Variants in NRG1 observed in about 807,000 individuals in gnomAD.
NRG1 encodes pro-neuregulin-1, membrane-bound isoform.
In NRG1, 18 loss-of-function variants were observed where a neutral mutation model predicts 63.8. That is an observed-to-expected ratio of 0.28 (90% CI 0.19 to 0.42). The LOEUF is 0.42. Among genes scored for constraint, NRG1 ranks in the 10% least tolerant of loss-of-function variants. NRG1 has a pLI of 1.00. For synonymous variants in NRG1, 302 were observed against 301.3 expected (o/e 1.00, Z -0.02); for missense variants, 762 against 814.7 (o/e 0.94, Z 0.79).
At chr8:32,565,260 G>A (rs117241109) in intron 1 of NRG1, among the ~76,000 whole-genome samples, 1,717 of 152,100 alleles carry the variant, frequency 0.011, 14 homozygotes, top group Middle Eastern at 0.044. Flanking sequence ...AAAATTTCCT[G>A]TATCCCATTC....
chr8:31,776,354 G>A (rs1819134061), intron 1 of NRG1, among the ~76,000 whole-genome samples: 1 of 152,184 alleles, frequency 6.6e-6, no homozygotes, highest in Non-Finnish European at 1.5e-5. Context: ...ATGTTGTCAA[G>A]GGCGCCAAGG....
intron 5 of NRG1, among the ~76,000 whole-genome samples, chr8:32,622,246 A>G (rs902354345): frequency 1.4e-5 from 2 of 144,546 alleles, no homozygotes; most frequent in African/African-American, 5.8e-5. Context: ...TGATCTCACT[A>G]CTACACTCCA....
chr8:32,762,614 G>A (rs1046242376), intron 11 of NRG1, among the ~76,000 whole-genome samples: 11 of 152,170 alleles, frequency 7.2e-5, no homozygotes, highest in African/African-American at 2.7e-4. Context: ...GAAGCAGGGA[G>A]GTTCATACGT....
At chr8:31,815,831 T>C (rs1563436550) in intron 1 of NRG1, among the ~76,000 whole-genome samples, 1 of 152,192 alleles carries the variant, frequency 6.6e-6, no homozygotes, top group Non-Finnish European at 1.5e-5. Flanking sequence ...TATTTTTTTT[T>C]CTGAGTTTTT....
chr8:32,194,918 C>A (rs866167219), intron 1 of NRG1, among the ~76,000 whole-genome samples: 41 of 152,136 alleles, frequency 2.7e-4, no homozygotes, highest in Middle Eastern at 6.8e-3. Context: ...AAAAAGATTT[C>A]TAAATATGCT....
Position 32,741,994 on chromosome 8 carries a change from T to G in NRG1, c.633-681T>G, listed in dbSNP as rs1395935463. ...TAGCATTTTTTTTTTGCTTACCACA[T>G]TTTTGCCCTCTAGGTGCCAACCTGG... On this transcript the variant is annotated intron_variant, in intron 6 of 11. Transcript: ENST00000356819. The G allele has an allele frequency of 1.2e-6, 2 of 1,610,962 alleles. No individual in the cohort carries two copies. The highest frequency in any genetic ancestry group is 1.7e-5 in the Admixed American group (1 of 59,918).
chr8:32,709,330 T>C (rs1817235387), intron 5 of NRG1, among the ~76,000 whole-genome samples: 1 of 152,230 alleles, frequency 6.6e-6, no homozygotes, highest in African/African-American at 2.4e-5. Flanking sequence ...AATTCTGTGA[T>C]TCTCAGATTT....
At chr8:32,083,104 G>A (rs1827718361) in intron 1 of NRG1, among the ~76,000 whole-genome samples, 1 of 152,138 alleles carries the variant, frequency 6.6e-6, no homozygotes, top group Non-Finnish European at 1.5e-5. Context: ...ACCATTAACA[G>A]CACTAAACCC....
At chr8:32,480,965 T>C (rs547554794) in intron 1 of NRG1, among the ~76,000 whole-genome samples, 11 of 152,308 alleles carry the variant, frequency 7.2e-5, no homozygotes, top group Admixed American at 1.3e-4. Context: ...ACCATGTCAG[T>C]ATACATACAT....
chr8:32,100,430 A>C (rs1325272291), intron 1 of NRG1, among the ~76,000 whole-genome samples: 1 of 152,200 alleles, frequency 6.6e-6, no homozygotes, highest in Non-Finnish European at 1.5e-5. Context: ...AATTCTTATC[A>C]GTTAAATGTG....
At chr8:32,519,682 A>G (rs892394480) in intron 1 of NRG1, among the ~76,000 whole-genome samples, 1 of 152,168 alleles carries the variant, frequency 6.6e-6, no homozygotes, top group African/African-American at 2.4e-5. Context: ...AAGGTCACCC[A>G]GCGTACTCTT....
intron 1 of NRG1, among the ~76,000 whole-genome samples, chr8:31,742,188 A>T (rs1202743553): frequency 6.6e-6 from 1 of 151,938 alleles, no homozygotes; most frequent in Non-Finnish European, 1.5e-5. Context: ...ATATGGTAGA[A>T]CTATAGAGAA....
chr8:31,911,002 G>A (rs972099757), intron 1 of NRG1, among the ~76,000 whole-genome samples: 2 of 152,190 alleles, frequency 1.3e-5, no homozygotes, highest in Admixed American at 6.5e-5. Context: ...CTGACATTCC[G>A]ATTTGTCTTA....
At chr8:32,627,675 A>C (rs1849542798) in intron 5 of NRG1, among the ~76,000 whole-genome samples, 1 of 152,168 alleles carries the variant, frequency 6.6e-6, no homozygotes, top group Admixed American at 6.5e-5. Flanking sequence ...TTATTTTTTA[A>C]AGACTTGAGT....
At chr8:31,825,336 G>T (rs4270922) in intron 1 of NRG1, among the ~76,000 whole-genome samples, 1 of 151,550 alleles carries the variant, frequency 6.6e-6, no homozygotes, top group Non-Finnish European at 1.5e-5. Context: ...TGCAGTGAGC[G>T]GAGATCGCAC....
intron 1 of NRG1, among the ~76,000 whole-genome samples, chr8:32,298,766 C>T (rs866974663): frequency 4.7e-5 from 7 of 149,252 alleles, no homozygotes; most frequent in African/African-American, 9.8e-5. Context: ...CGGGGGCTCA[C>T]GCCTGTAATC....
At chr8:32,754,594 C>T in intron 8 of NRG1, 120 bp downstream of exon 8, 1 of 849,076 alleles carries the variant, frequency 1.2e-6, no homozygotes, top group South Asian at 1.5e-5. Flanking sequence ...AAAGGAGGGG[C>T]AGGGGGAGAT....
intron 1 of NRG1, among the ~76,000 whole-genome samples, chr8:31,694,851 C>T (rs66775327): frequency 0.084 from 12,764 of 152,188 alleles, 728 homozygotes; most frequent in South Asian, 0.12. Context: ...ATTTCTAACA[C>T]CACTCTTGGT....
intron 1 of NRG1, among the ~76,000 whole-genome samples, chr8:32,200,417 T>C (rs896012596): frequency 4.6e-5 from 7 of 152,292 alleles, no homozygotes; most frequent in African/African-American, 1.7e-4. Flanking sequence ...CTTCCAGGAT[T>C]TTTTTAACCG....
Sources: gnomAD v4.1 joint callset for allele counts (sites outside exome capture counted in the v4.1 genomes callset) on GRCh38, gnomAD v4.1.1 for gene constraint, MANE v1.5 for transcripts, NCBI Gene and HGNC (gene_info 2026-07-23, HGNC 2026-07-21) for gene names.